Variants in ROBO2 observed in about 807,000 individuals in gnomAD.
ROBO2 encodes the protein roundabout guidance receptor 2.
A neutral mutation model predicts 160.8 loss-of-function variants in ROBO2; 53 were observed. That is an observed-to-expected ratio of 0.33 (90% confidence interval 0.26 to 0.41). The LOEUF (loss-of-function observed/expected upper bound fraction) is 0.41. ROBO2 is among the 10% of genes least tolerant of loss of function. The pLI, the probability that ROBO2 is intolerant of heterozygous loss-of-function variation, is 1.00. For synonymous variants in ROBO2, 664 were observed against 611.7 expected, an observed-to-expected ratio of 1.09 and a Z score of -1.26; for missense variants, 1,577 against 1,722.4, an observed-to-expected ratio of 0.92 and a Z score of 1.49.
At chr3:76,314,736 A>G (rs886494128) in intron 2 of ROBO2, among the ~76,000 whole-genome samples, 1 of 152,154 alleles carries the variant, frequency 6.6e-6, no homozygotes, top group African/African-American at 2.4e-5. Flanking sequence ...TACAGTATAT[A>G]ATACATATAA....
chr3:75,927,893 A>G (rs532309936), intron 1 of ROBO2, among the ~76,000 whole-genome samples: 12 of 152,072 alleles, frequency 7.9e-5, no homozygotes, highest in African/African-American at 1.9e-4. Flanking sequence ...AAGTGTGATA[A>G]CTGAAGATAT....
At position 77,251,346 on chromosome 3, in the gene ROBO2, A is replaced by G. The variant is rs529441919; in HGVS notation, c.388+153006A>G. Reference sequence around the variant, plus strand: ...ACACACACCTGGACTCGCTTGAATTACAAGTGTGGTGGCCAAAGGGTGCTG... The same window carrying G: ...ACACACACCTGGACTCGCTTGAATTGCAAGTGTGGTGGCCAAAGGGTGCTG... On this transcript the variant is annotated intron_variant, in intron 2 of 25. Coordinates refer to ENST00000461745, the Ensembl canonical transcript of ROBO2. Among the ~76,000 whole-genome samples the G allele has an allele frequency of 2.0e-5, 3 of 152,238 alleles. No individual in the cohort carries two copies. The East Asian group carries it at 5.8e-4, about 29-fold the overall frequency.
intron 2 of ROBO2, among the ~76,000 whole-genome samples, chr3:77,183,133 A>G (rs1339032324): frequency 6.6e-6 from 1 of 152,040 alleles, no homozygotes; most frequent in African/African-American, 2.4e-5. Context: ...AAGCTTTCTC[A>G]AAAATAAAAC....
chr3:76,201,797 A>C (rs563608545), intron 2 of ROBO2, among the ~76,000 whole-genome samples: 1 of 151,566 alleles, frequency 6.6e-6, no homozygotes, highest in Non-Finnish European at 1.5e-5. Flanking sequence ...TGGGTAGAGA[A>C]TTAATTTGTT....
chr3:75,955,020 C>T (rs1222216717), intron 2 of ROBO2, among the ~76,000 whole-genome samples: 4 of 151,682 alleles, frequency 2.6e-5, no homozygotes, highest in African/African-American at 7.3e-5. Flanking sequence ...GGGACGAATG[C>T]GCCTGGGTGG....
intron 2 of ROBO2, among the ~76,000 whole-genome samples, chr3:75,969,284 T>G (rs1456956754): frequency 6.6e-6 from 1 of 151,348 alleles, no homozygotes; most frequent in Non-Finnish European, 1.5e-5. Context: ...GGAATACAGA[T>G]ATATCTTTCG....
intron 2 of ROBO2, among the ~76,000 whole-genome samples, chr3:76,627,330 A>G (rs538055865): frequency 6.6e-6 from 1 of 152,310 alleles, no homozygotes; most frequent in East Asian, 1.9e-4. Context: ...GTTCACCTCA[A>G]AGAGCAAATC....
At chr3:76,527,252 A>G (rs1300963900) in intron 2 of ROBO2, among the ~76,000 whole-genome samples, 1 of 152,144 alleles carries the variant, frequency 6.6e-6, no homozygotes, top group East Asian at 1.9e-4. Flanking sequence ...AATTATACAA[A>G]TATCTGTTTT....
chr3:77,343,548 G>A (rs180791986), intron 2 of ROBO2, among the ~76,000 whole-genome samples: 1 of 152,168 alleles, frequency 6.6e-6, no homozygotes, highest in East Asian at 1.9e-4. Context: ...CCATATGCAG[G>A]GGGATACAGA....
intron 2 of ROBO2, among the ~76,000 whole-genome samples, chr3:76,202,097 C>T (rs942047569): frequency 6.6e-6 from 1 of 152,082 alleles, no homozygotes; most frequent in African/African-American, 2.4e-5. Flanking sequence ...TCTCTACTCC[C>T]CTGAAATAAA....
At chr3:76,483,704 C>T (rs1181549694) in intron 2 of ROBO2, among the ~76,000 whole-genome samples, 1 of 152,044 alleles carries the variant, frequency 6.6e-6, no homozygotes. Context: ...TTTCCTGATC[C>T]TCCCCCTCCT....
chr3:76,360,692 A>T (rs1487319305), intron 2 of ROBO2, among the ~76,000 whole-genome samples: 1 of 152,058 alleles, frequency 6.6e-6, no homozygotes, highest in Non-Finnish European at 1.5e-5. Context: ...TAGTCATATG[A>T]TCTAGTTCTG....
chr3:77,346,683 T>C (rs2153455068), intron 2 of ROBO2, among the ~76,000 whole-genome samples: 1 of 152,280 alleles, frequency 6.6e-6, no homozygotes, highest in African/African-American at 2.4e-5. Context: ...TTCAGTGTTC[T>C]ACAGTTGCAG....
chr3:76,488,178 A>C (rs1341712219), intron 2 of ROBO2, among the ~76,000 whole-genome samples: 1 of 152,162 alleles, frequency 6.6e-6, no homozygotes, highest in Admixed American at 6.5e-5. Flanking sequence ...TGAAAATGCA[A>C]ATGTATGACC....
At chr3:76,711,020 T>C (rs762523217) in intron 2 of ROBO2, among the ~76,000 whole-genome samples, 13 of 152,226 alleles carry the variant, frequency 8.5e-5, no homozygotes, top group Non-Finnish European at 1.9e-4. Context: ...GATTTTAAAA[T>C]GGTTGACTGG....
At chr3:77,561,454 G>T (rs1582954524) in intron 9 of ROBO2, among the ~76,000 whole-genome samples, 1 of 152,096 alleles carries the variant, frequency 6.6e-6, no homozygotes, top group South Asian at 2.1e-4. Context: ...GAATTTTGGA[G>T]TTGCCTCTTT....
intron 7 of ROBO2, among the ~76,000 whole-genome samples, chr3:77,547,927 G>A (rs539620704): frequency 1.3e-4 from 20 of 151,538 alleles, no homozygotes; most frequent in Middle Eastern, 6.8e-3. Flanking sequence ...TAAGTGTAAG[G>A]CAGCATGACA....
intron 2 of ROBO2, among the ~76,000 whole-genome samples, chr3:75,977,688 A>G (rs2065168259): frequency 1.3e-5 from 2 of 151,506 alleles, no homozygotes; most frequent in South Asian, 4.1e-4. Context: ...GAAAAGAGTG[A>G]ACTGCCATAT....
In ROBO2 at chr3:76,766,451, A is replaced by T. The variant is rs189670123; in HGVS notation, c.110-331563A>T. Among the ~76,000 whole-genome samples the T allele has an allele frequency of 2.7e-4, 41 of 151,838 alleles. 2 individuals are homozygous for T. The highest frequency in any genetic ancestry group is 2.5e-3 in the Admixed American group (38 of 15,206). ...TGTTGCTGTAAAGTGTAAATAAGAAAATGGCAGAAAGGAAAGTTAAGCAAT... is the reference window on the plus strand; with the variant it reads ...TGTTGCTGTAAAGTGTAAATAAGAATATGGCAGAAAGGAAAGTTAAGCAAT... On this transcript the variant is annotated intron_variant, in intron 2 of 26. Transcript: ENST00000487694.
Sources: gnomAD v4.1 joint callset for allele counts (sites outside exome capture counted in the v4.1 genomes callset) on GRCh38, gnomAD v4.1.1 for gene constraint, MANE v1.5 for transcripts, NCBI Gene and HGNC (gene_info 2026-07-23, HGNC 2026-07-21) for gene names.